The following GIT2 variants were observed in gnomAD, a reference collection of about 807,000 sequenced individuals.
GIT2 encodes the protein GIT ArfGAP 2, also known as ARF GTPase-activating protein GIT2.
GIT2 carries 32 observed loss-of-function variants against 100.3 expected under a neutral mutation model. The ratio of observed to expected loss-of-function variants is 0.32; its 90% CI spans 0.24 to 0.43. GIT2 has a LOEUF of 0.43. Among genes scored for constraint, GIT2 ranks in the 20% least tolerant of loss-of-function variants. The pLI is 1.00. For synonymous variants in GIT2, 353 were observed against 364.1 expected (o/e 0.97, Z 0.35); for missense variants, 737 against 975.1 (o/e 0.76, Z 3.25).
chr12:109,989,416 T>C (rs1457631758), intron 3 of GIT2, among the ~76,000 whole-genome samples: 1 of 152,214 alleles, frequency 6.6e-6, no homozygotes, highest in Non-Finnish European at 1.5e-5. Flanking sequence ...TGATCGCCTC[T>C]TATTTGAGTA....
intron 15 of GIT2, among the ~76,000 whole-genome samples, chr12:109,945,743 A>G (rs1242337629): frequency 2.0e-5 from 3 of 152,236 alleles, no homozygotes; most frequent in Non-Finnish European, 4.4e-5. Context: ...CCTTCCTGAT[A>G]TATCTTTATA....
At chr12:109,960,003 A>G in intron 11 of GIT2, 45 bp from the exon 12 acceptor site, 4 of 1,218,910 alleles carry the variant, frequency 3.3e-6, no homozygotes, top group Non-Finnish European at 1.2e-6. Flanking sequence ...GTGTAAAAAT[A>G]TATACATAAA....
intron 12 of GIT2, among the ~76,000 whole-genome samples, chr12:109,954,964 C>T (rs1879008398): frequency 6.6e-6 from 1 of 150,884 alleles, no homozygotes; most frequent in South Asian, 2.1e-4. Context: ...TATTTTAAAA[C>T]ACATAAATAT....
intron 4 of GIT2, among the ~76,000 whole-genome samples, chr12:109,986,233 A>G (rs1887356495): frequency 6.6e-6 from 1 of 152,168 alleles, no homozygotes. Flanking sequence ...TGGCAAAGAC[A>G]CAACAAAAAA....
intron 1 of GIT2, among the ~76,000 whole-genome samples, chr12:109,995,535 G>C (rs1889189181): frequency 6.6e-6 from 1 of 152,188 alleles, no homozygotes; most frequent in Non-Finnish European, 1.5e-5. Flanking sequence ...AAGTGACCAA[G>C]TGAAGTCACC....
intron 7 of GIT2, among the ~76,000 whole-genome samples, chr12:109,976,113 CACACACACAA>C (rs1367731334): frequency 6.7e-6 from 1 of 150,290 alleles, no homozygotes; most frequent in African/African-American, 2.5e-5. Context: ...TATACACACA[CACACACACAA>C]ACACACACAC....
intron 1 of GIT2, among the ~76,000 whole-genome samples, chr12:109,994,818 G>A (rs1889046149): frequency 6.6e-6 from 1 of 152,162 alleles, no homozygotes; most frequent in Admixed American, 6.5e-5. Flanking sequence ...AAGAAAATAA[G>A]GAAGTGGAAC....
At chr12:109,961,934 T>C (rs1031070324) in intron 9 of GIT2, among the ~76,000 whole-genome samples, 1 of 152,220 alleles carries the variant, frequency 6.6e-6, no homozygotes, top group Non-Finnish European at 1.5e-5. Context: ...CTAAGAGGCA[T>C]CTAAAGTGCA....
chr12:109,997,484 T>G (rs1266063866), upstream of GIT2: 1 of 152,234 alleles, frequency 6.6e-6, no homozygotes, highest in Non-Finnish European at 1.5e-5. Context: ...ATGCATTGTT[T>G]ACTTCTAGTC....
At chr12:109,961,557 G>T in intron 10 of GIT2, 56 bp downstream of exon 10, 1 of 1,158,222 alleles carries the variant, frequency 8.6e-7, no homozygotes. Context: ...GAGCCTGGCA[G>T]CTTTTCACTG....
chr12:109,944,194 TA>T (rs964369827), intron 16 of GIT2, among the ~76,000 whole-genome samples: 1 of 151,834 alleles, frequency 6.6e-6, no homozygotes, highest in African/African-American at 2.4e-5. Flanking sequence ...AAATAAAAAA[TA>T]AAAAAACGAA....
chr12:109,990,072 G>C (rs534804640), intron 2 of GIT2, among the ~76,000 whole-genome samples: 1 of 152,236 alleles, frequency 6.6e-6, no homozygotes, highest in African/African-American at 2.4e-5. Context: ...TGACACCTTA[G>C]AGCAGGGTTT....
At chr12:109,974,106 A>G (rs753301590) in intron 7 of GIT2, among the ~76,000 whole-genome samples, 2 of 152,182 alleles carry the variant, frequency 1.3e-5, no homozygotes, top group Non-Finnish European at 2.9e-5. Context: ...TTAATACTAT[A>G]AAGTTTCCTC....
In GIT2 at chr12:109,976,575, C is replaced by T. The variant is rs868382347; in HGVS notation, c.718+4377G>A. Among the ~76,000 whole-genome samples the T allele has an allele frequency of 7.3e-5, 11 of 150,966 alleles. No homozygotes were observed. In the South Asian group the frequency reaches 1.5e-3, roughly 20 times the overall value. On this transcript the variant is annotated intron_variant, in intron 7 of 19. Transcript: ENST00000355312. ...CTGGGATTACGGGCGTGAGCCACCG[C>T]GCCTGGCGTTTTCTTTTCTTTTTTT... is the stretch of plus-strand genomic sequence containing the variant.
At chr12:109,941,792 A>T (rs1874791617) in intron 16 of GIT2, among the ~76,000 whole-genome samples, 1 of 151,260 alleles carries the variant, frequency 6.6e-6, no homozygotes, top group African/African-American at 2.4e-5. Flanking sequence ...AAGTGCTGAG[A>T]TTATAGGTGT....
chr12:109,972,927 A>G (rs1884246412), intron 7 of GIT2, among the ~76,000 whole-genome samples: 1 of 151,930 alleles, frequency 6.6e-6, no homozygotes, highest in Non-Finnish European at 1.5e-5. Context: ...GGCTCAAGCA[A>G]TCCTCTCACC....
intron 14 of GIT2, among the ~76,000 whole-genome samples, chr12:109,950,005 C>G (rs1877392055): frequency 6.6e-6 from 1 of 152,200 alleles, no homozygotes; most frequent in Admixed American, 6.5e-5. Flanking sequence ...AGACACAGAA[C>G]AAGTGTCTGT....
intron 16 of GIT2, 102 bp from the exon 17 acceptor site, chr12:109,939,349 C>G: frequency 1.4e-6 from 1 of 721,642 alleles, no homozygotes; most frequent in Non-Finnish European, 2.5e-6. Context: ...CCTTCACATC[C>G]CAAATCTCAT....
chr12:109,961,428 C>T (rs1339550200), intron 10 of GIT2, 53 bp from the exon 11 acceptor site: 8 of 1,172,678 alleles, frequency 6.8e-6, no homozygotes, highest in African/African-American at 1.5e-5. Flanking sequence ...TGTGCCACTG[C>T]TCCTGGGAGG....
Sources: allele counts gnomAD v4.1 joint callset (sites outside exome capture counted in the v4.1 genomes callset), GRCh38; gene constraint gnomAD v4.1.1; transcripts MANE v1.5; gene names NCBI Gene and HGNC (gene_info 2026-07-23, HGNC 2026-07-21).